Variants in SERPINA3 observed in about 807,000 individuals in gnomAD.
The protein encoded by SERPINA3 is serpin family A member 3.
Under a neutral mutation model 26.8 loss-of-function variants are expected in SERPINA3, and 32 were observed. The ratio of observed to expected loss-of-function variants is 1.20; its 90% CI spans 0.90 to 1.61. The LOEUF (loss-of-function observed/expected upper bound fraction) is 1.61, where lower values mean the gene tolerates loss of function less well. Ranked by LOEUF, SERPINA3 falls within the 40% of genes most tolerant of loss-of-function variation. The probability of loss-of-function intolerance (pLI) is 0.00; values close to 1 mark genes in which losing one functional copy is unlikely to be tolerated. For missense variants in SERPINA3, 632 were observed against 517.9 expected, an observed-to-expected ratio of 1.22 and a Z score of -2.14; for synonymous variants, 252 against 206.4, an observed-to-expected ratio of 1.22 and a Z score of -1.89.
intron 2 of SERPINA3, 121 bp downstream of exon 2, chr14:94,615,205 C>A: frequency 9.0e-7 from 1 of 1,116,076 alleles, no homozygotes; most frequent in Non-Finnish European, 1.3e-6. Flanking sequence ...ATGGGGGCAG[C>A]ATAAGCATCA....
intron 1 of SERPINA3, chr14:94,614,231 A>T: frequency 1.7e-6 from 1 of 597,796 alleles, no homozygotes; most frequent in Non-Finnish European, 3.0e-6. Context: ...GAAAATGGCA[A>T]CAATTATGGT....
At chr14:94,614,346 G>A in intron 1 of SERPINA3, 88 bp from the exon 2 acceptor site, 1 of 1,370,396 alleles carries the variant, frequency 7.3e-7, no homozygotes, top group Non-Finnish European at 1.0e-6. Flanking sequence ...GCAGGACAGG[G>A]ACCAGGACGC....
intron 2 of SERPINA3, 199 bp from the exon 3 acceptor site, chr14:94,618,996 T>C: frequency 1.6e-6 from 1 of 644,842 alleles, no homozygotes; most frequent in South Asian, 1.8e-5. Context: ...AGGTCTTTCT[T>C]TTGTGGCCCT....
intron 1 of SERPINA3, 154 bp from the exon 2 acceptor site, chr14:94,614,280 G>A (rs937287952): frequency 3.2e-5 from 22 of 689,144 alleles, no homozygotes; most frequent in Non-Finnish European, 4.1e-5. Flanking sequence ...AGTGATGTGT[G>A]TCGGGTGCCC....
chr14:94,622,577 C>T (rs1323826079), intron 4 of SERPINA3, 86 bp downstream of exon 4: 4 of 1,482,054 alleles, frequency 2.7e-6, no homozygotes, highest in African/African-American at 2.8e-5. Context: ...TACTCTTGAA[C>T]TTGGGTTAAT....
chr14:94,615,186 G>A, intron 2 of SERPINA3, 102 bp downstream of exon 2: 3 of 1,308,410 alleles, frequency 2.3e-6, no homozygotes, highest in Admixed American at 1.7e-5. Flanking sequence ...AGAGGAGAGT[G>A]CCCACAGCAT....
intron 3 of SERPINA3, among the ~76,000 whole-genome samples, chr14:94,621,590 G>A (rs73346578): frequency 3.9e-5 from 6 of 152,084 alleles, no homozygotes; most frequent in African/African-American, 7.2e-5. Context: ...GTGTGACCTG[G>A]GCCTCTAGGA....
intron 3 of SERPINA3, chr14:94,619,930 C>A (rs565184579): frequency 2.0e-5 from 4 of 198,606 alleles, no homozygotes; most frequent in Admixed American, 1.1e-4. Context: ...CTAATTTGCA[C>A]CCTGAGAGTA....
At chr14:94,616,360 G>A (rs988846498) in intron 2 of SERPINA3, among the ~76,000 whole-genome samples, 1 of 152,116 alleles carries the variant, frequency 6.6e-6, no homozygotes, top group Non-Finnish European at 1.5e-5. Flanking sequence ...CCCTTCCTCT[G>A]TTGACCTCTC....
intron 1 of SERPINA3, chr14:94,614,202 C>G: frequency 1.8e-6 from 1 of 563,848 alleles, no homozygotes; most frequent in Non-Finnish European, 3.2e-6. Context: ...CCGCTCTGTG[C>G]CCGGCTTTTC....
intron 2 of SERPINA3, chr14:94,615,607 C>T (rs1280354138): frequency 5.9e-6 from 2 of 340,784 alleles, no homozygotes; most frequent in Non-Finnish European, 1.2e-5. Flanking sequence ...CTGGCCACTT[C>T]CAAGATTCTA....
intron 3 of SERPINA3, 64 bp from the exon 4 acceptor site, chr14:94,622,277 A>T (rs1595099455): frequency 6.7e-7 from 1 of 1,498,108 alleles, no homozygotes; most frequent in East Asian, 2.3e-5. Context: ...CCATGCTGCG[A>T]GGTGGGAGGC....
chr14:94,620,908 T>C (rs1008516065), intron 3 of SERPINA3, among the ~76,000 whole-genome samples: 14 of 152,288 alleles, frequency 9.2e-5, no homozygotes, highest in Admixed American at 4.6e-4. Context: ...TGGTGGCTGG[T>C]GTGACCTGGA....
rs778356977 is a variant in SERPINA3, at chr14:94,614,447, G to A, written c.6G>A (p.Glu2=). The change falls in exon 2 of 5, where the codon GAG becomes GAA. Residue 2 remains glutamate, a synonymous_variant. Coordinates refer to ENST00000393078, the MANE Select transcript of SERPINA3 (RefSeq NM_001085.5). ...TTTGCTTTTCAGAGTTGAGAATGGA[G>A]AGAATGTTACCTCTCCTGGCTCTGG... is the stretch of plus-strand genomic sequence containing the variant. M[E]RMLPLLALGL... is the part of the protein sequence containing the mutation. The A allele has an allele frequency of 2.5e-6, 4 of 1,613,784 alleles. No individual in the cohort carries two copies. The highest frequency in any genetic ancestry group is 4.5e-5 in the East Asian group (2 of 44,858).
In SERPINA3 at chr14:94,622,383, G is replaced by A; in HGVS notation, c.960G>A (p.Arg320=). ...ACCTGCCAAAGTTTTCCATCTCGAG[G>A]GACTATAACCTGAACGACATACTTC... ...ELYLPKFSIS[R]DYNLNDILLQ... The change falls in exon 4 of 5, where the codon AGG becomes AGA. Residue 320 remains arginine, a synonymous_variant. Transcript: ENST00000393078. 1 of 1,613,962 alleles carries A rather than the reference G, an allele frequency of 6.2e-7. No homozygotes were observed. Among genetic ancestry groups the A allele is most frequent in the Non-Finnish European group, 8.5e-7 (1 of 1,180,006 alleles).
chr14:94,619,369 G>A lies in SERPINA3; in HGVS notation c.818G>A (p.Ser273Asn). 1 of 1,614,168 alleles carries A rather than the reference G, an allele frequency of 6.2e-7. No individual in the cohort carries two copies. Among genetic ancestry groups the A allele is most frequent in the Non-Finnish European group, 8.5e-7 (1 of 1,180,016 alleles). The stretch of plus-strand genomic sequence containing the variant: ...GAGCTGAAGTACACAGGCAATGCCA[G>A]CGCACTCTTCATCCTCCCTGATCAA... ...VVELKYTGNA[S>N]ALFILPDQDK... Residue 273 changes from serine (S) to asparagine (N), a missense_variant, in exon 3 of 5, where the codon AGC (serine) becomes AAC (asparagine). Ser to Asn is a conservative substitution (Grantham distance 46). Transcript: ENST00000393078.
intron 2 of SERPINA3, among the ~76,000 whole-genome samples, chr14:94,615,342 C>G (rs546554933): frequency 6.6e-6 from 1 of 152,250 alleles, no homozygotes; most frequent in Non-Finnish European, 1.5e-5. Flanking sequence ...GTGCTTTTCA[C>G]TCTGATTTAA....
intron 2 of SERPINA3, 145 bp from the exon 3 acceptor site, chr14:94,619,050 C>A: frequency 1.1e-6 from 1 of 903,446 alleles, no homozygotes; most frequent in Non-Finnish European, 1.8e-6. Flanking sequence ...CCCCCAATAA[C>A]TTTTACTCTT....
At position 94,621,667 on chromosome 14, in the gene SERPINA3, T is replaced by C. The variant is rs533777942; in HGVS notation, c.918-674T>C. On this transcript the variant is annotated intron_variant, in intron 3 of 4. Coordinates refer to ENST00000393078, the MANE Select transcript of SERPINA3 (RefSeq NM_001085.5). ...GACAGTGCCCACTGGTGAGGCAAGA[T>C]GGGAACCTCCAATTGATTGTTTCAG... Among the ~76,000 whole-genome samples, 9 of 152,220 alleles carry C rather than the reference T, an allele frequency of 5.9e-5. No homozygotes were observed. The East Asian group carries it at 1.4e-3, about 23-fold the overall frequency.
Sources: allele counts gnomAD v4.1 joint callset (sites outside exome capture counted in the v4.1 genomes callset), GRCh38; gene constraint gnomAD v4.1.1; transcripts MANE v1.5; gene names NCBI Gene and HGNC (gene_info 2026-07-23, HGNC 2026-07-21).